NRG1: variants seen among roughly 807,000 people sequenced by gnomAD.
NRG1 encodes pro-neuregulin-1, membrane-bound isoform.
A neutral mutation model predicts 63.8 loss-of-function variants in NRG1; 18 were observed. That is an observed-to-expected ratio of 0.28 (90% CI 0.19 to 0.42). The LOEUF (loss-of-function observed/expected upper bound fraction) is 0.42, where lower values mean the gene tolerates loss of function less well. Among genes scored for constraint, NRG1 ranks in the 10% least tolerant of loss-of-function variants. The pLI is 1.00. For synonymous variants in NRG1, 302 were observed against 301.3 expected, an observed-to-expected ratio of 1.00 and a Z score of -0.02; for missense variants, 762 against 814.7, an observed-to-expected ratio of 0.94 and a Z score of 0.79.
At chr8:31,825,175 G>T (rs371922176) in intron 1 of NRG1, among the ~76,000 whole-genome samples, 1 of 152,134 alleles carries the variant, frequency 6.6e-6, no homozygotes, top group Non-Finnish European at 1.5e-5. Context: ...CAATCATGAG[G>T]TCAAGAGATG....
At chr8:31,776,833 C>T (rs1437334492) in intron 1 of NRG1, among the ~76,000 whole-genome samples, 2 of 152,086 alleles carry the variant, frequency 1.3e-5, no homozygotes, top group Non-Finnish European at 2.9e-5. Flanking sequence ...ATGATGGTTT[C>T]CAGCTTCATC....
intron 1 of NRG1, among the ~76,000 whole-genome samples, chr8:31,891,354 G>A (rs1239658705): frequency 6.6e-6 from 1 of 152,006 alleles, no homozygotes; most frequent in Admixed American, 6.6e-5. Flanking sequence ...CACCAAAGAG[G>A]ATATACATTT....
intron 1 of NRG1, among the ~76,000 whole-genome samples, chr8:31,900,874 G>C (rs900836777): frequency 2.0e-5 from 3 of 152,170 alleles, no homozygotes; most frequent in African/African-American, 7.2e-5. Context: ...TTTAAGATAA[G>C]AGCAACTGGC....
At chr8:32,744,524 T>A (rs1827076760) in intron 7 of NRG1, among the ~76,000 whole-genome samples, 1 of 152,158 alleles carries the variant, frequency 6.6e-6, no homozygotes, top group African/African-American at 2.4e-5. Flanking sequence ...AAAAATAGAA[T>A]GTTATTTAAT....
chr8:31,760,609 AAAAC>A lies in NRG1; in HGVS notation c.37+121185_37+121188del, dbSNP rs1358004583. On this transcript the variant is annotated intron_variant, in intron 1 of 10. Coordinates refer to the NRG1 transcript ENST00000519301. Reference sequence around the variant, plus strand: ...TGAACTCAAACAAATTTACAAGAAAAAAACAAACAACCCCATCAAAAAGTGGGCA... The same window carrying A: ...TGAACTCAAACAAATTTACAAGAAAAAAACAACCCCATCAAAAAGTGGGCA... Among the ~76,000 whole-genome samples, 1,062 of 152,276 alleles carry A rather than the reference AAAAC, an allele frequency of 7.0e-3. 16 individuals are homozygous for A. Among genetic ancestry groups the A allele is most frequent in the African/African-American group, 0.024 (1,005 of 41,560 alleles).
intron 1 of NRG1, among the ~76,000 whole-genome samples, chr8:31,849,501 A>G (rs1056561142): frequency 1.3e-5 from 2 of 152,238 alleles, no homozygotes; most frequent in Non-Finnish European, 2.9e-5. Context: ...GGTCACCATG[A>G]TGGTGCAACA....
At chr8:32,467,486 G>T (rs565360872) in intron 1 of NRG1, among the ~76,000 whole-genome samples, 9 of 152,280 alleles carry the variant, frequency 5.9e-5, no homozygotes, top group African/African-American at 1.9e-4. Context: ...TATATACTCA[G>T]TCTAACACAT....
intron 1 of NRG1, chr8:32,256,645 C>G (rs1006136123): frequency 6.5e-6 from 1 of 153,076 alleles, no homozygotes; most frequent in Non-Finnish European, 1.5e-5. Flanking sequence ...TTGCCTGTTC[C>G]TTCCTCTGAA....
chr8:31,930,454 CAAT>C (rs1834766938), intron 1 of NRG1, among the ~76,000 whole-genome samples: 1 of 152,066 alleles, frequency 6.6e-6, no homozygotes, highest in Admixed American at 6.6e-5. Context: ...AAGTAAATCA[CAAT>C]AATTATTATG....
At chr8:32,021,303 AT>A (rs11345070) in intron 1 of NRG1, among the ~76,000 whole-genome samples, 82,514 of 152,040 alleles carry the variant, frequency 0.54, 26,241 homozygotes, top group Non-Finnish European at 0.71. Flanking sequence ...AGGGGCTTTT[AT>A]TCTGCATCAT....
Position 32,029,874 on chromosome 8 carries a change from T to C in NRG1, c.37+390443T>C, listed in dbSNP as rs548529741. ...AAAAAAAAAGCCACAAATTTTAAAATTCTGATATAATCTAATATCTGGTAT... is the reference window on the plus strand; with the variant it reads ...AAAAAAAAAGCCACAAATTTTAAAACTCTGATATAATCTAATATCTGGTAT... On this transcript the variant is annotated intron_variant, in intron 1 of 10. Transcript: ENST00000519301. Among the ~76,000 whole-genome samples the C allele has an allele frequency of 3.3e-5, 5 of 152,268 alleles. No individual in the cohort carries two copies. In the South Asian group the frequency reaches 1.0e-3, roughly 32 times the overall value.
At chr8:32,399,213 G>A (rs1315239730) in intron 1 of NRG1, among the ~76,000 whole-genome samples, 2 of 151,950 alleles carry the variant, frequency 1.3e-5, no homozygotes, top group South Asian at 4.2e-4. Flanking sequence ...ACATTGAGGG[G>A]GATTAATTAG....
chr8:32,276,085 C>T (rs1852069202), intron 1 of NRG1, among the ~76,000 whole-genome samples: 1 of 152,038 alleles, frequency 6.6e-6, no homozygotes, highest in Non-Finnish European at 1.5e-5. Context: ...GAAAAGATAC[C>T]CCAGAGTATT....
intron 1 of NRG1, among the ~76,000 whole-genome samples, chr8:31,845,765 T>C (rs1413423190): frequency 6.6e-6 from 1 of 152,188 alleles, no homozygotes; most frequent in Non-Finnish European, 1.5e-5. Context: ...GAAGCTGATA[T>C]TCATGAAGCA....
chr8:32,409,860 G>A (rs1814639068), intron 1 of NRG1, among the ~76,000 whole-genome samples: 1 of 152,206 alleles, frequency 6.6e-6, no homozygotes, highest in Admixed American at 6.5e-5. Flanking sequence ...AATTGGAAGG[G>A]TGATGGAGAT....
intron 1 of NRG1, among the ~76,000 whole-genome samples, chr8:31,868,872 C>T (rs960841777): frequency 6.6e-6 from 1 of 152,176 alleles, no homozygotes; most frequent in East Asian, 1.9e-4. Context: ...CTATATGATT[C>T]CATGGTCTAT....
At chr8:32,055,739 A>G (rs868784843) in intron 1 of NRG1, among the ~76,000 whole-genome samples, 7 of 148,844 alleles carry the variant, frequency 4.7e-5, no homozygotes, top group Non-Finnish European at 5.9e-5. Flanking sequence ...TCTTTCTTAT[A>G]TCTTTTAACT....
At chr8:32,525,391 GGTGTGTGTGTGTGTGTGT>G (rs200594879) in intron 1 of NRG1, among the ~76,000 whole-genome samples, 11 of 145,792 alleles carry the variant, frequency 7.5e-5, no homozygotes, top group African/African-American at 2.6e-4. Context: ...ATGAGGTAGG[GGTGTGTGTGTGTGTGTGT>G]GTGTGTGTGT....
At chr8:32,057,456 C>T (rs1433064688) in intron 1 of NRG1, among the ~76,000 whole-genome samples, 1 of 152,130 alleles carries the variant, frequency 6.6e-6, no homozygotes, top group East Asian at 1.9e-4. Context: ...AGTCATTCTT[C>T]AGCTTCTGAC....
Sources: gnomAD v4.1 joint callset for allele counts (sites outside exome capture counted in the v4.1 genomes callset) on GRCh38, gnomAD v4.1.1 for gene constraint, MANE v1.5 for transcripts, NCBI Gene and HGNC (gene_info 2026-07-23, HGNC 2026-07-21) for gene names.